The following NRG1 variants were observed in gnomAD, a reference collection of about 807,000 sequenced individuals.
NRG1 encodes pro-neuregulin-1, membrane-bound isoform.
A neutral mutation model predicts 63.8 loss-of-function variants in NRG1; 18 were observed. The observed-to-expected ratio is 0.28, with a 90% CI of 0.19 to 0.42. The LOEUF is 0.42. Ranked by LOEUF, NRG1 falls within the 10% of genes least tolerant of loss-of-function variation. The pLI is 1.00. For synonymous variants in NRG1, 302 were observed against 301.3 expected, an observed-to-expected ratio of 1.00 and a Z score of -0.02; for missense variants, 762 against 814.7, an observed-to-expected ratio of 0.94 and a Z score of 0.79.
chr8:31,840,633 C>A (rs1586745925), intron 1 of NRG1, among the ~76,000 whole-genome samples: 1 of 152,104 alleles, frequency 6.6e-6, no homozygotes, highest in Non-Finnish European at 1.5e-5. Flanking sequence ...TTTTCCAACT[C>A]TCAGATGGAA....
intron 1 of NRG1, among the ~76,000 whole-genome samples, chr8:32,240,670 T>G (rs760301384): frequency 3.3e-5 from 5 of 152,108 alleles, no homozygotes; most frequent in South Asian, 2.1e-4. Context: ...TTGGGGAAAA[T>G]AGTAACATTG....
intron 1 of NRG1, among the ~76,000 whole-genome samples, chr8:31,654,943 A>C (rs1805283136): frequency 6.6e-6 from 1 of 152,170 alleles, no homozygotes; most frequent in South Asian, 2.1e-4. Flanking sequence ...CTGTCTTTAA[A>C]AATAAAAAAT....
intron 1 of NRG1, among the ~76,000 whole-genome samples, chr8:32,179,892 T>G (rs182975695): frequency 1.3e-5 from 2 of 151,360 alleles, no homozygotes; most frequent in African/African-American, 4.9e-5. Flanking sequence ...TTTTTAAATC[T>G]TTTTTTTTCA....
chr8:32,408,195 A>T (rs1348692314), intron 1 of NRG1, among the ~76,000 whole-genome samples: 1 of 152,160 alleles, frequency 6.6e-6, no homozygotes, highest in Non-Finnish European at 1.5e-5. Flanking sequence ...GAAGGTGATC[A>T]TGTGTTCTCT....
Position 32,275,278 on chromosome 8 carries a change from T to C in NRG1, c.38-320550T>C, listed in dbSNP as rs140596969. Among the ~76,000 whole-genome samples, 7 of 152,338 alleles carry C rather than the reference T, an allele frequency of 4.6e-5. No individual in the cohort carries two copies. In the East Asian group the frequency reaches 1.4e-3, roughly 29 times the overall value. Reference sequence around the variant, plus strand: ...ACAACCTACTTTGTGTTAGGCACTGTTCCAGGGTCTGCGCATTCAGCAGTG... The same window carrying C: ...ACAACCTACTTTGTGTTAGGCACTGCTCCAGGGTCTGCGCATTCAGCAGTG... On this transcript the variant is annotated intron_variant, in intron 1 of 10. Coordinates refer to the NRG1 transcript ENST00000519301.
At chr8:32,370,849 C>A (rs1235165660) in intron 1 of NRG1, among the ~76,000 whole-genome samples, 3 of 98,268 alleles carry the variant, frequency 3.1e-5, no homozygotes, top group Non-Finnish European at 5.4e-5. Flanking sequence ...CAGAGTGAGA[C>A]TCTGTCTCAA....
chr8:32,121,164 G>A (rs1386412329), intron 1 of NRG1, among the ~76,000 whole-genome samples: 1 of 152,068 alleles, frequency 6.6e-6, no homozygotes, highest in South Asian at 2.1e-4. Flanking sequence ...CAGTAGAAAG[G>A]AAAAGTGATT....
At chr8:31,945,031 A>T (rs1472914988) in intron 1 of NRG1, among the ~76,000 whole-genome samples, 1 of 152,168 alleles carries the variant, frequency 6.6e-6, no homozygotes, top group Non-Finnish European at 1.5e-5. Context: ...TCCAGGAATG[A>T]TTTACATGTA....
chr8:32,504,525 G>A (rs1828297408), intron 1 of NRG1, among the ~76,000 whole-genome samples: 2 of 152,002 alleles, frequency 1.3e-5, no homozygotes. Context: ...CCATCATGAA[G>A]TGAGGAAATG....
chr8:32,293,394 G>A (rs1270180449), intron 1 of NRG1, among the ~76,000 whole-genome samples: 2 of 152,166 alleles, frequency 1.3e-5, no homozygotes, highest in Non-Finnish European at 2.9e-5. Context: ...AGAGCTGTGA[G>A]AGGCAAGGAA....
intron 1 of NRG1, among the ~76,000 whole-genome samples, chr8:32,235,327 A>T (rs942426192): frequency 4.6e-5 from 7 of 151,330 alleles, no homozygotes; most frequent in South Asian, 2.1e-4. Flanking sequence ...TGAACCCTAG[A>T]GGCAGAGTTA....
chr8:31,766,683 C>T (rs944700284), intron 1 of NRG1, among the ~76,000 whole-genome samples: 2 of 152,124 alleles, frequency 1.3e-5, no homozygotes, highest in Admixed American at 6.6e-5. Flanking sequence ...TTGGGAAACA[C>T]GAACACTATA....
chr8:32,444,293 T>G (rs1819955416), intron 1 of NRG1, among the ~76,000 whole-genome samples: 1 of 151,898 alleles, frequency 6.6e-6, no homozygotes, highest in South Asian at 2.1e-4. Context: ...TAATTGTAGT[T>G]TTTTGTTTGG....
At chr8:32,709,932 A>T (rs1032606894) in intron 5 of NRG1, among the ~76,000 whole-genome samples, 1 of 152,190 alleles carries the variant, frequency 6.6e-6, no homozygotes, top group Admixed American at 6.5e-5. Flanking sequence ...ATTTGCCATT[A>T]GTAAACACTT....
chr8:32,025,247 T>C (rs1464766312), intron 1 of NRG1, among the ~76,000 whole-genome samples: 1 of 152,208 alleles, frequency 6.6e-6, no homozygotes, highest in Admixed American at 6.5e-5. Context: ...CTCATTATGT[T>C]GTTTTGCTAA....
chr8:32,276,288 C>T (rs62497579), intron 1 of NRG1, among the ~76,000 whole-genome samples: 1 of 152,062 alleles, frequency 6.6e-6, no homozygotes, highest in South Asian at 2.1e-4. Flanking sequence ...TGAGTAAGAA[C>T]ATGTGGTATT....
chr8:32,294,566 T>C (rs960903484), intron 1 of NRG1, among the ~76,000 whole-genome samples: 9 of 152,338 alleles, frequency 5.9e-5, no homozygotes, highest in South Asian at 2.1e-4. Flanking sequence ...TTGGTCTGAA[T>C]TGGAAACATT....
chr8:32,415,828 A>C (rs769698410), intron 1 of NRG1, among the ~76,000 whole-genome samples: 33 of 152,210 alleles, frequency 2.2e-4, no homozygotes, highest in Middle Eastern at 3.4e-3. Context: ...TTTTCACCCT[A>C]TTGAAAATCA....
At chr8:32,122,158 G>C (rs1429861033) in intron 1 of NRG1, among the ~76,000 whole-genome samples, 1 of 151,876 alleles carries the variant, frequency 6.6e-6, no homozygotes, top group Non-Finnish European at 1.5e-5. Context: ...AATTTCAAAA[G>C]CTTTTCTTAA....
Sources: allele counts gnomAD v4.1 joint callset (sites outside exome capture counted in the v4.1 genomes callset), GRCh38; gene constraint gnomAD v4.1.1; transcripts MANE v1.5; gene names NCBI Gene and HGNC (gene_info 2026-07-23, HGNC 2026-07-21).